Variants in SLC2A9 observed in about 807,000 individuals in gnomAD.
SLC2A9 encodes the protein solute carrier family 2 member 9, also known as solute carrier family 2, facilitated glucose transporter member 9.
SLC2A9 carries 39 observed loss-of-function variants against 50.6 expected under a neutral mutation model. The observed-to-expected ratio is 0.77, with a 90% confidence interval of 0.60 to 1.01. SLC2A9 has a LOEUF of 1.01. SLC2A9 is among the 50% of genes least tolerant of loss of function. The probability of loss-of-function intolerance (pLI) is 0.00; values close to 1 mark genes in which losing one functional copy is unlikely to be tolerated. For missense variants in SLC2A9, 686 were observed against 677.6 expected, an observed-to-expected ratio of 1.01 and a Z score of -0.14; for synonymous variants, 324 against 276.9, an observed-to-expected ratio of 1.17 and a Z score of -1.69.
At chr4:9,913,704 G>A (rs1742331835) in intron 7 of SLC2A9, among the ~76,000 whole-genome samples, 1 of 152,196 alleles carries the variant, frequency 6.6e-6, no homozygotes, top group Non-Finnish European at 1.5e-5. Context: ...CTGGAGATGT[G>A]TCTGCTGCCT....
chr4:9,874,826 T>C (rs1437456393), intron 10 of SLC2A9, among the ~76,000 whole-genome samples: 1 of 152,178 alleles, frequency 6.6e-6, no homozygotes, highest in Non-Finnish European at 1.5e-5. Flanking sequence ...GCTGTGTCTT[T>C]AGAAATGGCC....
intron 8 of SLC2A9, 66 bp downstream of exon 8, chr4:9,908,169 T>A (rs917786422): frequency 9.2e-7 from 1 of 1,092,446 alleles, no homozygotes. Flanking sequence ...AAGGACCTTA[T>A]GAACATTCCC....
At chr4:9,911,564 T>C (rs1741797048) in intron 7 of SLC2A9, among the ~76,000 whole-genome samples, 1 of 152,192 alleles carries the variant, frequency 6.6e-6, no homozygotes, top group South Asian at 2.1e-4. Flanking sequence ...TTCTCGCAGG[T>C]TGCCCCTAGC....
chr4:10,037,468 C>T (rs972096300), intron 1 of SLC2A9, among the ~76,000 whole-genome samples: 1 of 152,190 alleles, frequency 6.6e-6, no homozygotes, highest in African/African-American at 2.4e-5. Flanking sequence ...ATTTTCTCTA[C>T]TTCCTCAGTT....
chr4:9,974,232 A>G (rs991619932), intron 5 of SLC2A9, among the ~76,000 whole-genome samples: 1 of 152,232 alleles, frequency 6.6e-6, no homozygotes, highest in Non-Finnish European at 1.5e-5. Context: ...AAACAAGACA[A>G]GGTGCCCACT....
intron 3 of SLC2A9, among the ~76,000 whole-genome samples, chr4:9,809,613 C>T (rs750948076): frequency 1.3e-5 from 2 of 152,176 alleles, no homozygotes; most frequent in Non-Finnish European, 2.9e-5. Flanking sequence ...CCATGACATA[C>T]CTTCTCCCAG....
downstream of SLC2A9, chr4:9,826,138 G>A (rs549109717): frequency 4.1e-6 from 2 of 491,476 alleles, no homozygotes; most frequent in Admixed American, 6.8e-5. Context: ...AGAACGCTGG[G>A]TCTACTGAAA....
At chr4:9,868,760 G>T (rs978521120) in intron 10 of SLC2A9, among the ~76,000 whole-genome samples, 6 of 152,158 alleles carry the variant, frequency 3.9e-5, no homozygotes, top group African/African-American at 1.4e-4. Flanking sequence ...CAGCAATTTT[G>T]TGACGAATGC....
chr4:9,907,533 G>A (rs748382177), intron 8 of SLC2A9, among the ~76,000 whole-genome samples: 1 of 152,188 alleles, frequency 6.6e-6, no homozygotes, highest in Non-Finnish European at 1.5e-5. Context: ...TCAACTGAAT[G>A]TCCTTTCTCC....
intron 10 of SLC2A9, among the ~76,000 whole-genome samples, chr4:9,842,444 C>G (rs1324218433): frequency 6.6e-6 from 1 of 152,150 alleles, no homozygotes; most frequent in African/African-American, 2.4e-5. Context: ...ACTTGGCACA[C>G]CTTATCTCAT....
At chr4:9,866,394 C>T (rs1045813653) in intron 10 of SLC2A9, among the ~76,000 whole-genome samples, 2 of 152,118 alleles carry the variant, frequency 1.3e-5, no homozygotes, top group African/African-American at 4.8e-5. Flanking sequence ...GATGCAAACC[C>T]GCCAAGCGTT....
chr4:9,971,854 G>A (rs1388968161), intron 5 of SLC2A9, among the ~76,000 whole-genome samples: 1 of 152,172 alleles, frequency 6.6e-6, no homozygotes, highest in African/African-American at 2.4e-5. Flanking sequence ...CAAAAACCTT[G>A]CACAAAGGCC....
intron 1 of SLC2A9, among the ~76,000 whole-genome samples, chr4:10,032,795 C>A (rs2109593012): frequency 6.6e-6 from 1 of 152,254 alleles, no homozygotes; most frequent in East Asian, 1.9e-4. Context: ...TTTCAAAACT[C>A]TCCAGGAAGT....
chr4:9,897,287 T>C (rs1441340274), intron 8 of SLC2A9, among the ~76,000 whole-genome samples: 1 of 152,190 alleles, frequency 6.6e-6, no homozygotes. Flanking sequence ...CTGAGGTCAC[T>C]GAGAGCCTCC....
intron 10 of SLC2A9, among the ~76,000 whole-genome samples, chr4:9,844,149 T>A (rs1421561494): frequency 7.5e-5 from 5 of 66,852 alleles, no homozygotes; most frequent in Admixed American, 2.1e-4. Context: ...CCAGATTTAG[T>A]AAAAAAAAAA....
rs762605826 is a variant in SLC2A9, at chr4:9,834,944, G to A, written c.1356C>T (p.Ile452=). ...AGAGCCAGTTGACGGTGCCTGCAATGATGAAGGCAGCCGGCCGCTGAGATT... is the reference window on the plus strand; with the variant it reads ...AGAGCCAGTTGACGGTGCCTGCAATAATGAAGGCAGCCGGCCGCTGAGATT... ...FQQSQRPAAF[I]IAGTVNWLSN... Residue 452 remains isoleucine (I), a synonymous_variant, in exon 11 of 12, where the codon ATC becomes ATT. Transcript: ENST00000264784. The A allele has an allele frequency of 5.0e-6, 8 of 1,614,112 alleles. No individual in the cohort carries two copies. In the South Asian group the frequency reaches 7.7e-5, roughly 16 times the overall value.
chr4:9,997,867 T>C (rs1458532100), intron 2 of SLC2A9, among the ~76,000 whole-genome samples: 5 of 152,054 alleles, frequency 3.3e-5, no homozygotes, highest in African/African-American at 9.7e-5. Context: ...AGACAACCCA[T>C]AGACTGAGAT....
intron 2 of SLC2A9, among the ~76,000 whole-genome samples, chr4:10,017,074 A>C (rs1762728352): frequency 6.6e-6 from 1 of 152,096 alleles, no homozygotes; most frequent in Non-Finnish European, 1.5e-5. Flanking sequence ...GAAATTCTAC[A>C]CATCCCTCAT....
chr4:9,904,449 C>T lies in SLC2A9; in HGVS notation c.1113+3786G>A, dbSNP rs56003345. 2.0e-5 allele frequency among the ~76,000 whole-genome samples: 3 copies of T among 152,266 alleles called. No homozygotes were observed. In the East Asian group the frequency reaches 5.8e-4, roughly 29 times the overall value. On this transcript the variant is annotated intron_variant, in intron 8 of 11. Transcript: ENST00000264784. ...CTGACTCTGACCCTCCTGCCTCCCC[C>T]TTTCACTTACAAGGACCCTGTGATA...
Sources: allele counts gnomAD v4.1 joint callset (sites outside exome capture counted in the v4.1 genomes callset), GRCh38; gene constraint gnomAD v4.1.1; transcripts MANE v1.5; gene names NCBI Gene and HGNC (gene_info 2026-07-23, HGNC 2026-07-21).